FRS2: variants seen among roughly 807,000 people sequenced by gnomAD.
FRS2 encodes the protein FGFR signalling adaptor.
A neutral mutation model predicts 43.9 loss-of-function variants in FRS2; 8 were observed. The ratio of observed to expected loss-of-function variants is 0.18; its 90% CI spans 0.11 to 0.33. The LOEUF (loss-of-function observed/expected upper bound fraction) is 0.33. FRS2 is among the 10% of genes least tolerant of loss of function. The probability of loss-of-function intolerance (pLI) is 1.00; values close to 1 mark genes in which losing one functional copy is unlikely to be tolerated. For missense variants in FRS2, 534 were observed against 627.6 expected, an observed-to-expected ratio of 0.85 and a Z score of 1.59; for synonymous variants, 219 against 220.3, an observed-to-expected ratio of 0.99 and a Z score of 0.05.
intron 1 of FRS2, among the ~76,000 whole-genome samples, chr12:69,527,416 T>C (rs1444109628): frequency 1.4e-5 from 2 of 140,524 alleles, no homozygotes; most frequent in African/African-American, 5.2e-5. Flanking sequence ...ACTCGTGGGC[T>C]CAAAGAATCC....
intron 1 of FRS2, among the ~76,000 whole-genome samples, chr12:69,474,708 A>C (rs1482311236): frequency 1.3e-5 from 2 of 152,216 alleles, no homozygotes; most frequent in African/African-American, 4.8e-5. Flanking sequence ...TGGTTACTTA[A>C]AAGCTATGTT....
At chr12:69,537,631 T>G (rs1355043335) in intron 3 of FRS2, among the ~76,000 whole-genome samples, 1 of 152,146 alleles carries the variant, frequency 6.6e-6, no homozygotes, top group Non-Finnish European at 1.5e-5. Flanking sequence ...GTTTTGCAGT[T>G]TTGTATAATG....
At chr12:69,491,016 T>A (rs1437416734) in intron 1 of FRS2, among the ~76,000 whole-genome samples, 1 of 152,256 alleles carries the variant, frequency 6.6e-6, no homozygotes, top group African/African-American at 2.4e-5. Flanking sequence ...CAAGTCTTTT[T>A]TCCTACCTTT....
chr12:69,531,662 C>T lies in FRS2; in HGVS notation c.-164-352C>T, dbSNP rs1159324807. Among the ~76,000 whole-genome samples the T allele has an allele frequency of 2.4e-5, 3 of 125,038 alleles. No homozygotes were observed. The South Asian group carries it at 9.8e-4, about 41-fold the overall frequency. 82.0% of individuals were successfully genotyped at this position (125,038 alleles called of 152,430 possible). ...AATGCTTTTTACCTTATGTGAATTA[C>T]ACCGAAAAAAAAAAAGGACCCTTCA... On this transcript the variant is annotated intron_variant, in intron 2 of 8. Transcript: ENST00000549921.
chr12:69,574,802 T>A lies in FRS2; in HGVS notation c.1374T>A (p.Thr458=), dbSNP rs761205821. 42 of 1,613,752 alleles carry A rather than the reference T, an allele frequency of 2.6e-5. No individual in the cohort carries two copies. The highest frequency in any genetic ancestry group is 3.5e-5 in the Non-Finnish European group (41 of 1,180,002). Residue 458 remains threonine (T), a synonymous_variant, in exon 9 of 9, where the codon ACT becomes ACA. Coordinates refer to ENST00000549921, the MANE Select transcript of FRS2 (RefSeq NM_001278356.2). ...CTCAGACTCCAAAAACGCCTACAAC[T>A]CCCCTTCCACAAACCCCTACCAGGC... ...DNPQTPKTPT[T]PLPQTPTRRT... is the part of the protein sequence containing the mutation.
chr12:69,546,580 A>G (rs1040667037), intron 3 of FRS2, among the ~76,000 whole-genome samples: 3 of 151,994 alleles, frequency 2.0e-5, no homozygotes, highest in African/African-American at 7.2e-5. Flanking sequence ...TTGAGTAGAG[A>G]TGGGGTTTTA....
At chr12:69,552,707 C>T (rs1424412982) in intron 3 of FRS2, among the ~76,000 whole-genome samples, 1 of 152,084 alleles carries the variant, frequency 6.6e-6, no homozygotes, top group Non-Finnish European at 1.5e-5. Flanking sequence ...GCCTGGACAA[C>T]ATAGTGCAAC....
intron 1 of FRS2, among the ~76,000 whole-genome samples, chr12:69,528,016 G>A (rs908816999): frequency 6.6e-6 from 1 of 152,196 alleles, no homozygotes; most frequent in African/African-American, 2.4e-5. Context: ...TCAGATGAAA[G>A]GTATGTGGAT....
At position 69,578,819 on chromosome 12, in the gene FRS2, C is replaced by A. The variant is rs1240141937; in HGVS notation, c.*3864C>A. On this transcript the variant is annotated 3_prime_UTR_variant, in exon 9 of 9. Transcript: ENST00000549921. ...TAGCTTATTAGATTTTTAATTTTTTCTTTTATAAAAAATTGTCCAACAGTG... is the reference window on the plus strand; with the variant it reads ...TAGCTTATTAGATTTTTAATTTTTTATTTTATAAAAAATTGTCCAACAGTG... The A allele has an allele frequency of 1.3e-5, 2 of 152,386 alleles. No individual in the cohort carries two copies. Among genetic ancestry groups the A allele is most frequent in the Non-Finnish European group, 2.9e-5 (2 of 67,974 alleles). 9.4% of individuals were successfully genotyped at this position (152,386 alleles called of 1,614,324 possible).
chr12:69,492,808 T>G (rs545673885), intron 1 of FRS2, among the ~76,000 whole-genome samples: 3 of 152,322 alleles, frequency 2.0e-5, no homozygotes, highest in African/African-American at 7.2e-5. Context: ...TAGCAATAAT[T>G]CTCTGTTTGG....
intron 3 of FRS2, among the ~76,000 whole-genome samples, chr12:69,545,782 A>C (rs1482386632): frequency 1.3e-5 from 2 of 150,712 alleles, no homozygotes; most frequent in Non-Finnish European, 3.0e-5. Context: ...AAAAAAACAA[A>C]AACAAAAACC....
chr12:69,558,353 T>C (rs1267638047), intron 3 of FRS2, among the ~76,000 whole-genome samples: 2 of 152,248 alleles, frequency 1.3e-5, no homozygotes, highest in African/African-American at 4.8e-5. Context: ...TGGGAAAGTA[T>C]TCTGGTAGGA....
At chr12:69,512,238 C>T (rs558234055) in intron 1 of FRS2, among the ~76,000 whole-genome samples, 26 of 152,038 alleles carry the variant, frequency 1.7e-4, no homozygotes, top group African/African-American at 3.9e-4. Flanking sequence ...CTCTTTTTGG[C>T]GGGGGAGGGG....
In FRS2 at chr12:69,470,421, C is replaced by G. The variant is rs1400539387; in HGVS notation, c.-370C>G. The G allele has an allele frequency of 1.8e-5, 7 of 398,524 alleles. No homozygotes were observed. The highest frequency in any genetic ancestry group is 2.5e-4 in the South Asian group (2 of 7,868). 24.7% of individuals were successfully genotyped at this position (398,524 alleles called of 1,614,324 possible). A position where few individuals can be genotyped will look rare whatever the true frequency, so the allele number is the denominator to read the frequency against. On this transcript the variant is annotated 5_prime_UTR_variant, in exon 1 of 9. Coordinates refer to ENST00000549921, the MANE Select transcript of FRS2 (RefSeq NM_001278356.2). ...GGGCCGGAGAGAGGCCTTGTAGGCA[C>G]AGCGGCTGAGACTCGATCTGCTCCA...
intron 3 of FRS2, among the ~76,000 whole-genome samples, chr12:69,551,602 CTTCTAGTAAAATT>C (rs1159984310): frequency 6.6e-6 from 1 of 152,096 alleles, no homozygotes; most frequent in Non-Finnish European, 1.5e-5. Context: ...CTAAATTTGG[CTTCTAGTAAAATT>C]TTGATTGATT....
intron 3 of FRS2, among the ~76,000 whole-genome samples, chr12:69,536,413 G>A (rs910893520): frequency 2.0e-5 from 3 of 151,662 alleles, no homozygotes; most frequent in Non-Finnish European, 4.4e-5. Flanking sequence ...GTGAGTCCCC[G>A]CACCCGGCCA....
intron 1 of FRS2, among the ~76,000 whole-genome samples, chr12:69,485,109 A>ACGCGCGCGCG: frequency 6.7e-6 from 1 of 148,766 alleles, no homozygotes; most frequent in African/African-American, 2.5e-5. Context: ...ACACACACAC[A>ACGCGCGCGCG]CACACACACA....
chr12:69,538,413 T>C (rs1877552499), intron 3 of FRS2, among the ~76,000 whole-genome samples: 1 of 151,750 alleles, frequency 6.6e-6, no homozygotes, highest in South Asian at 2.1e-4. Context: ...CGGTCTCCCA[T>C]TAACAAAAAA....
intron 1 of FRS2, among the ~76,000 whole-genome samples, chr12:69,473,606 G>A (rs558995961): frequency 6.6e-6 from 1 of 152,172 alleles, no homozygotes; most frequent in Admixed American, 6.5e-5. Context: ...GCTTTTAGAA[G>A]TTTGACATTT....
Sources: gnomAD v4.1 joint callset for allele counts (sites outside exome capture counted in the v4.1 genomes callset) on GRCh38, gnomAD v4.1.1 for gene constraint, MANE v1.5 for transcripts, NCBI Gene and HGNC (gene_info 2026-07-23, HGNC 2026-07-21) for gene names.